PTPRD: variants seen among roughly 807,000 people sequenced by gnomAD.
PTPRD encodes receptor-type tyrosine-protein phosphatase delta.
In PTPRD, 34 loss-of-function variants were observed where a neutral mutation model predicts 214.5. The observed-to-expected ratio is 0.16, with a 90% CI of 0.12 to 0.21. The LOEUF (loss-of-function observed/expected upper bound fraction) is 0.21, where lower values mean the gene tolerates loss of function less well. Among genes scored for constraint, PTPRD ranks in the 10% least tolerant of loss-of-function variants. The pLI is 1.00. For missense variants in PTPRD, 2,545 were observed against 2,398.7 expected, an observed-to-expected ratio of 1.06 and a Z score of -1.27; for synonymous variants, 1,128 against 845.7, an observed-to-expected ratio of 1.33 and a Z score of -5.79.
intron 5 of PTPRD, among the ~76,000 whole-genome samples, chr9:9,790,148 C>G (rs1565284310): frequency 6.6e-6 from 1 of 152,072 alleles, no homozygotes; most frequent in East Asian, 1.9e-4. Context: ...CGTTAGCTCT[C>G]CATCCTCAGA....
At chr9:9,621,391 G>T (rs953794622) in intron 7 of PTPRD, among the ~76,000 whole-genome samples, 1 of 151,974 alleles carries the variant, frequency 6.6e-6, no homozygotes, top group Non-Finnish European at 1.5e-5. Context: ...TTATAGAAAC[G>T]CTCATAAAGA....
intron 11 of PTPRD, among the ~76,000 whole-genome samples, chr9:8,768,179 G>A (rs2094908569): frequency 1.3e-5 from 2 of 152,156 alleles, no homozygotes; most frequent in South Asian, 2.1e-4. Flanking sequence ...AGGCTTGCTT[G>A]AGCCCAGGAG....
At chr9:9,512,733 A>C (rs958968041) in intron 8 of PTPRD, among the ~76,000 whole-genome samples, 1 of 151,724 alleles carries the variant, frequency 6.6e-6, no homozygotes, top group South Asian at 2.1e-4. Flanking sequence ...AACTATCAAC[A>C]TATCTGTGGC....
chr9:8,616,732 C>CA (rs1397225818), intron 14 of PTPRD, among the ~76,000 whole-genome samples: 1 of 152,136 alleles, frequency 6.6e-6, no homozygotes, highest in Non-Finnish European at 1.5e-5. Flanking sequence ...AACTACCTTT[C>CA]AAGTGAGAGA....
intron 10 of PTPRD, among the ~76,000 whole-genome samples, chr9:9,172,374 G>C (rs1328477601): frequency 6.6e-6 from 1 of 152,242 alleles, no homozygotes; most frequent in East Asian, 1.9e-4. Flanking sequence ...TGGGATCCAA[G>C]CATGTATAAA....
intron 3 of PTPRD, among the ~76,000 whole-genome samples, chr9:10,165,093 G>A (rs1435735160): frequency 1.3e-5 from 2 of 151,564 alleles, no homozygotes; most frequent in African/African-American, 4.8e-5. Flanking sequence ...TCAGGGCCTG[G>A]TGCCCTACAG....
At chr9:10,597,185 T>G (rs1228851566) in intron 2 of PTPRD, among the ~76,000 whole-genome samples, 1 of 151,564 alleles carries the variant, frequency 6.6e-6, no homozygotes, top group Non-Finnish European at 1.5e-5. Flanking sequence ...AAAGGTAAGT[T>G]AGGACATAAA....
intron 21 of PTPRD, among the ~76,000 whole-genome samples, chr9:8,514,025 T>A (rs1393562821): frequency 6.6e-6 from 1 of 152,140 alleles, no homozygotes; most frequent in African/African-American, 2.4e-5. Flanking sequence ...GTCCCATTCA[T>A]CTAGATTTTC....
intron 12 of PTPRD, among the ~76,000 whole-genome samples, chr9:8,707,215 C>A (rs1252667682): frequency 6.6e-6 from 1 of 152,188 alleles, no homozygotes; most frequent in Non-Finnish European, 1.5e-5. Context: ...GATGTGGTCA[C>A]TCCCAACCTT....
At chr9:8,721,780 C>A (rs147513951) in intron 12 of PTPRD, among the ~76,000 whole-genome samples, 1 of 152,298 alleles carries the variant, frequency 6.6e-6, no homozygotes, top group African/African-American at 2.4e-5. Flanking sequence ...ACTACGATTT[C>A]TCTTTCCCAA....
At chr9:9,608,949 C>G (rs770621633) in intron 7 of PTPRD, among the ~76,000 whole-genome samples, 3 of 152,036 alleles carry the variant, frequency 2.0e-5, no homozygotes, top group East Asian at 3.9e-4. Context: ...TCCCTTTGTT[C>G]TGATTCTTTA....
intron 10 of PTPRD, among the ~76,000 whole-genome samples, chr9:9,075,735 T>G: frequency 6.6e-6 from 1 of 152,196 alleles, no homozygotes; most frequent in East Asian, 1.9e-4. Flanking sequence ...ACCAAGGACC[T>G]GAACTCATCC....
intron 12 of PTPRD, among the ~76,000 whole-genome samples, chr9:8,674,893 A>C (rs1331730582): frequency 6.6e-6 from 1 of 152,174 alleles, no homozygotes; most frequent in Non-Finnish European, 1.5e-5. Context: ...AAACTAGCCA[A>C]GGTCCTCCTA....
intron 3 of PTPRD, among the ~76,000 whole-genome samples, chr9:10,103,394 T>TAATATTTAATTATAATATATAA (rs59667727): frequency 7.7e-6 from 1 of 129,662 alleles, no homozygotes; most frequent in Non-Finnish European, 1.6e-5. Context: ...TATATATATA[T>TAATATTTAATTATAATATATAA]TTATTTAAGA....
intron 3 of PTPRD, among the ~76,000 whole-genome samples, chr9:10,178,799 T>A: frequency 6.6e-6 from 1 of 151,826 alleles, no homozygotes; most frequent in East Asian, 1.9e-4. Flanking sequence ...ATGTGAGGAG[T>A]ACCCCCAAGT....
Position 10,578,734 on chromosome 9 carries a change from T to C in PTPRD, c.-600+33664A>G, listed in dbSNP as rs113996581. ...GTTCATATTAGTTTTTTTTGAATAA[T>C]TTCAACTTTTATTTTAGATTTGGGG... On this transcript the variant is annotated intron_variant, in intron 2 of 45. Transcript: ENST00000381196. 6.2e-3 allele frequency among the ~76,000 whole-genome samples: 946 copies of C among 152,202 alleles called. 15 individuals carry two copies. The highest frequency in any genetic ancestry group is 0.022 in the African/African-American group (894 of 41,534).
chr9:8,684,012 T>C (rs1195049177), intron 12 of PTPRD, among the ~76,000 whole-genome samples: 2 of 152,056 alleles, frequency 1.3e-5, no homozygotes, highest in Non-Finnish European at 2.9e-5. Flanking sequence ...GGCTTGTGAG[T>C]AGGTAAGGTC....
rs141127414 is a variant in PTPRD at position 10,061,389 on chromosome 9, C to A, written c.-544-27599G>T. Among the ~76,000 whole-genome samples, 31 of 152,168 alleles carry A rather than the reference C, an allele frequency of 2.0e-4. No homozygotes were observed. The East Asian group carries it at 6.0e-3, about 30-fold the overall frequency. ...AACACAGTTCCACTTATGTTTATTTCAGATTACATTGCTTAGCATTTATAC... is the reference window on the plus strand; with the variant it reads ...AACACAGTTCCACTTATGTTTATTTAAGATTACATTGCTTAGCATTTATAC... On this transcript the variant is annotated intron_variant, in intron 3 of 45. Coordinates refer to ENST00000381196, the MANE Select transcript of PTPRD (RefSeq NM_002839.4).
rs376778198 is a variant in PTPRD, at chr9:9,964,474, C to T, written c.-471-25864G>A. The stretch of plus-strand genomic sequence containing the variant: ...CAGAGTAAAATCTAAAGAAGCTTAG[C>T]AGGATAGGACAATAGTTTCCTTCGC... On this transcript the variant is annotated intron_variant, in intron 4 of 45. Coordinates refer to ENST00000381196, the MANE Select transcript of PTPRD (RefSeq NM_002839.4). Among the ~76,000 whole-genome samples, 53 of 152,224 alleles carry T rather than the reference C, an allele frequency of 3.5e-4. 1 individual carries two copies. In the South Asian group the frequency reaches 0.011, roughly 30 times the overall value.
Sources: allele counts gnomAD v4.1 joint callset (sites outside exome capture counted in the v4.1 genomes callset), GRCh38; gene constraint gnomAD v4.1.1; transcripts MANE v1.5; gene names NCBI Gene and HGNC (gene_info 2026-07-23, HGNC 2026-07-21).